WWOX: variants seen among roughly 807,000 people sequenced by gnomAD.
WWOX encodes WW domain-containing oxidoreductase.
Under a neutral mutation model 46.2 loss-of-function variants are expected in WWOX, and 69 were observed. That is an observed-to-expected ratio of 1.49 (90% CI 1.23 to 1.82). The LOEUF (loss-of-function observed/expected upper bound fraction) is 1.82, where lower values mean the gene tolerates loss of function less well. Among genes scored for constraint, WWOX ranks in the 40% most tolerant of loss-of-function variants. The pLI is 0.00. For missense variants in WWOX, 919 were observed against 542.6 expected, an observed-to-expected ratio of 1.69 and a Z score of -6.89; for synonymous variants, 359 against 202.6, an observed-to-expected ratio of 1.77 and a Z score of -6.56.
chr16:79,143,067 C>G (rs1274050551), intron 8 of WWOX, among the ~76,000 whole-genome samples: 1 of 151,964 alleles, frequency 6.6e-6, no homozygotes, highest in Non-Finnish European at 1.5e-5. Flanking sequence ...AAAGAGAACG[C>G]TCATAGAAGT....
At chr16:78,706,531 G>A (rs1345139660) in intron 8 of WWOX, among the ~76,000 whole-genome samples, 2 of 151,814 alleles carry the variant, frequency 1.3e-5, no homozygotes, top group African/African-American at 4.8e-5. Context: ...TCTTTCATTC[G>A]TCAACTACAA....
In WWOX at chr16:78,314,715, T is replaced by TG. The variant is rs1567494608; in HGVS notation, c.517-72145_517-72144insG. On this transcript the variant is annotated intron_variant, in intron 5 of 8. Transcript: ENST00000566780. ...TTTTTTTTTTTGTTTTTTTTTTTTT[T>TG]TTTTTTCTGTATTTTCAGTAGAGAC... Among the ~76,000 whole-genome samples, 48 of 142,982 alleles carry TG rather than the reference T, an allele frequency of 3.4e-4. 1 individual carries two copies. The highest frequency in any genetic ancestry group is 1.3e-3 in the East Asian group (6 of 4,730). 93.8% of individuals were successfully genotyped at this position (142,982 alleles called of 152,430 possible). A position where few individuals can be genotyped will look rare whatever the true frequency, so the allele number is the denominator to read the frequency against.
intron 8 of WWOX, among the ~76,000 whole-genome samples, chr16:79,170,373 C>G (rs534324969): frequency 9.6e-4 from 146 of 152,348 alleles, no homozygotes; most frequent in African/African-American, 3.4e-3. Flanking sequence ...TGACCCAGGT[C>G]TGACTCCAGA....
chr16:78,989,790 G>A (rs1047884705), intron 8 of WWOX, among the ~76,000 whole-genome samples: 4 of 150,862 alleles, frequency 2.7e-5, no homozygotes, highest in Non-Finnish European at 5.9e-5. Context: ...GAAGTGAGAG[G>A]AAGCAAAGTG....
At chr16:78,542,673 GAC>G (rs1474315148) in intron 8 of WWOX, among the ~76,000 whole-genome samples, 8 of 152,312 alleles carry the variant, frequency 5.3e-5, no homozygotes, top group African/African-American at 1.9e-4. Context: ...TTTTATAAAA[GAC>G]ACAGAAACAC....
intron 8 of WWOX, among the ~76,000 whole-genome samples, chr16:79,064,659 G>A (rs926980714): frequency 2.0e-5 from 3 of 152,190 alleles, no homozygotes; most frequent in African/African-American, 4.8e-5. Flanking sequence ...ACCTCTTCGT[G>A]TTCCTGCAAG....
chr16:78,787,646 C>T (rs2050491006), intron 8 of WWOX, among the ~76,000 whole-genome samples: 1 of 152,116 alleles, frequency 6.6e-6, no homozygotes, highest in Non-Finnish European at 1.5e-5. Context: ...TTTATGTTTT[C>T]TGCAAACTCC....
chr16:79,185,145 C>T (rs2050987884), intron 8 of WWOX, among the ~76,000 whole-genome samples: 2 of 152,166 alleles, frequency 1.3e-5, no homozygotes, highest in African/African-American at 4.8e-5. Context: ...GGGAGAGGCC[C>T]CTTCCCTCTG....
chr16:79,064,614 A>C (rs2048410114), intron 8 of WWOX, among the ~76,000 whole-genome samples: 1 of 152,194 alleles, frequency 6.6e-6, no homozygotes, highest in South Asian at 2.1e-4. Flanking sequence ...GACATGGAGC[A>C]AAGCAGTTAT....
chr16:78,883,393 G>A (rs763696721), intron 8 of WWOX, among the ~76,000 whole-genome samples: 1 of 152,122 alleles, frequency 6.6e-6, no homozygotes, highest in African/African-American at 2.4e-5. Flanking sequence ...CCTAAATACA[G>A]TCTGTCATTT....
At chr16:78,932,478 T>G (rs1187408061) in intron 8 of WWOX, among the ~76,000 whole-genome samples, 2 of 152,182 alleles carry the variant, frequency 1.3e-5, no homozygotes, top group Admixed American at 1.3e-4. Context: ...CAGCCACAGA[T>G]AGATCCCAGA....
intron 8 of WWOX, among the ~76,000 whole-genome samples, chr16:79,164,654 T>G (rs904842791): frequency 1.3e-5 from 2 of 152,200 alleles, no homozygotes; most frequent in Non-Finnish European, 2.9e-5. Context: ...GTTCCCACTT[T>G]ATTAAAATGA....
chr16:78,766,288 G>T (rs891842855), intron 8 of WWOX, among the ~76,000 whole-genome samples: 1 of 152,112 alleles, frequency 6.6e-6, no homozygotes, highest in African/African-American at 2.4e-5. Flanking sequence ...CCTGTGTGTC[G>T]CTAGCCTTAT....
At chr16:78,517,835 A>G (rs1045554392) in intron 8 of WWOX, among the ~76,000 whole-genome samples, 5 of 151,040 alleles carry the variant, frequency 3.3e-5, no homozygotes, top group African/African-American at 1.2e-4. Context: ...AAAAAAAAAA[A>G]GAATGATGTT....
chr16:79,137,721 C>T (rs1044747999), intron 8 of WWOX, among the ~76,000 whole-genome samples: 1 of 152,126 alleles, frequency 6.6e-6, no homozygotes, highest in African/African-American at 2.4e-5. Context: ...CCATCCCCTT[C>T]CTGCCCCCAC....
At chr16:78,817,130 AC>A (rs1567580511) in intron 8 of WWOX, among the ~76,000 whole-genome samples, 1 of 138,514 alleles carries the variant, frequency 7.2e-6, no homozygotes, top group Non-Finnish European at 1.5e-5. Flanking sequence ...AGTTGCTTAA[AC>A]ATTTTCCTGT....
Position 78,144,468 on chromosome 16 carries a change from C to CACAT in WWOX, c.410-19714_410-19713insCATA, listed in dbSNP as rs1567596380. Among the ~76,000 whole-genome samples the CACAT allele has an allele frequency of 4.8e-4, 7 of 14,480 alleles. 1 individual carries two copies. The highest frequency in any genetic ancestry group is 2.9e-3 in the East Asian group (1 of 350). The allele number at this position is 14,480 out of a possible 152,430, so 9.5% of individuals were successfully genotyped here. ...ATATACACATATATATATATACACA[C>CACAT]ATATATATATATATATATACACACA... On this transcript the variant is annotated intron_variant, in intron 4 of 8. Coordinates refer to ENST00000566780, the MANE Select transcript of WWOX (RefSeq NM_016373.4).
Position 78,120,632 on chromosome 16 carries a change from A to G in WWOX, c.409+5478A>G, listed in dbSNP as rs910297639. The stretch of plus-strand genomic sequence containing the variant: ...AATCCCAAAATGTAATTATAGTGTG[A>G]TGTTGAAATTGATTGTCTTAGCTTA... On this transcript the variant is annotated intron_variant, in intron 4 of 8. Coordinates refer to ENST00000566780, the MANE Select transcript of WWOX (RefSeq NM_016373.4). 7.9e-5 allele frequency among the ~76,000 whole-genome samples: 12 copies of G among 151,950 alleles called. No homozygotes were observed. In the East Asian group the frequency reaches 1.9e-3, roughly 25 times the overall value.
At chr16:78,485,102 A>G (rs147596272) in intron 8 of WWOX, among the ~76,000 whole-genome samples, 2 of 152,232 alleles carry the variant, frequency 1.3e-5, no homozygotes, top group East Asian at 3.9e-4. Context: ...CGGAAAGGAA[A>G]CAGTTCATCT....
Sources: allele counts gnomAD v4.1 joint callset (sites outside exome capture counted in the v4.1 genomes callset), GRCh38; gene constraint gnomAD v4.1.1; transcripts MANE v1.5; gene names NCBI Gene and HGNC (gene_info 2026-07-23, HGNC 2026-07-21).